The following CAMTA1 variants were observed in gnomAD, a reference collection of about 807,000 sequenced individuals.
CAMTA1 encodes calmodulin binding transcription activator 1.
Under a neutral mutation model 170.9 loss-of-function variants are expected in CAMTA1, and 27 were observed. The ratio of observed to expected loss-of-function variants is 0.16; its 90% CI spans 0.12 to 0.22. The LOEUF (loss-of-function observed/expected upper bound fraction) is 0.22, where lower values mean the gene tolerates loss of function less well. Ranked by LOEUF, CAMTA1 falls within the 10% of genes least tolerant of loss-of-function variation. The pLI is 1.00. For missense variants in CAMTA1, 1,619 were observed against 2,217.2 expected (o/e 0.73, Z 5.42); for synonymous variants, 833 against 891.5 (o/e 0.93, Z 1.17).
At chr1:6,807,054 A>G (rs2148291677) in intron 1 of CAMTA1, 2 of 666,436 alleles carry the variant, frequency 3.0e-6, no homozygotes, top group Non-Finnish European at 5.5e-6. Context: ...TCAAGATGCC[A>G]TATGAAATTT....
At chr1:7,552,935 G>A (rs1367632184) in intron 6 of CAMTA1, among the ~76,000 whole-genome samples, 1 of 152,208 alleles carries the variant, frequency 6.6e-6, no homozygotes, top group Non-Finnish European at 1.5e-5. Flanking sequence ...AGCAGTAGCT[G>A]AGTGGGGATG....
intron 12 of CAMTA1, among the ~76,000 whole-genome samples, chr1:7,735,789 T>G (rs1210209540): frequency 6.6e-6 from 1 of 152,116 alleles, no homozygotes; most frequent in Non-Finnish European, 1.5e-5. Flanking sequence ...TGTTGTTTTT[T>G]GAGACAAGGT....
intron 5 of CAMTA1, among the ~76,000 whole-genome samples, chr1:7,277,330 C>T (rs529632490): frequency 1.3e-5 from 2 of 152,260 alleles, no homozygotes; most frequent in African/African-American, 2.4e-5. Flanking sequence ...TCTAAAGCTA[C>T]AGTAATCAAG....
chr1:7,113,560 T>A lies in CAMTA1; in HGVS notation c.302+22189T>A, dbSNP rs901244205. ...ACAGGCAGACCAGGGCAGTGCCTAT[T>A]TATTCATGGCATTTCACATCATAAG... On this transcript the variant is annotated intron_variant, in intron 4 of 22. Coordinates refer to ENST00000303635, the MANE Select transcript of CAMTA1 (RefSeq NM_015215.4). The surrounding 1 kb of genome is among the most constrained non-coding windows in gnomAD (Gnocchi z 4.5). 6.6e-5 allele frequency among the ~76,000 whole-genome samples: 10 copies of A among 152,330 alleles called. No individual in the cohort carries two copies. Among genetic ancestry groups the A allele is most frequent in the Non-Finnish European group, 1.5e-4 (10 of 68,018 alleles).
chr1:7,302,756 G>A lies in CAMTA1; in HGVS notation c.438+53130G>A, dbSNP rs139378100. Among the ~76,000 whole-genome samples, 11 of 152,294 alleles carry A rather than the reference G, an allele frequency of 7.2e-5. No homozygotes were observed. In the East Asian group the frequency reaches 2.1e-3, roughly 29 times the overall value. On this transcript the variant is annotated intron_variant, in intron 5 of 22. Coordinates refer to ENST00000303635, the MANE Select transcript of CAMTA1 (RefSeq NM_015215.4). Reference sequence around the variant, plus strand: ...GACCCTTTGGGGGAGCCTCTCTCAGGTATTGGGCTTCCCCGCTTGATGCCT... The same window carrying A: ...GACCCTTTGGGGGAGCCTCTCTCAGATATTGGGCTTCCCCGCTTGATGCCT...
chr1:7,091,275 G>C, intron 3 of CAMTA1, 29 bp from the exon 4 acceptor site: 1 of 1,523,322 alleles, frequency 6.6e-7, no homozygotes, highest in Non-Finnish European at 9.1e-7. Context: ...GCTAATTGTT[G>C]TTATTATCTT....
intron 3 of CAMTA1, among the ~76,000 whole-genome samples, chr1:6,868,131 T>TTTTTTTTTTTTGAGACGGAGTCTC (rs1667231410): frequency 6.6e-6 from 1 of 151,984 alleles, no homozygotes; most frequent in Admixed American, 6.6e-5. Flanking sequence ...TTTTAATTGT[T>TTTTTTTTTTTTGAGACGGAGTCTC]GAATATACTT....
intron 3 of CAMTA1, among the ~76,000 whole-genome samples, chr1:6,879,263 C>G (rs758362037): frequency 6.6e-6 from 1 of 152,106 alleles, no homozygotes; most frequent in Non-Finnish European, 1.5e-5. Context: ...CATACCAAAC[C>G]CACAAGACCC....
chr1:7,381,617 G>A (rs538058010), intron 5 of CAMTA1, among the ~76,000 whole-genome samples: 173 of 151,702 alleles, frequency 1.1e-3, no homozygotes, highest in African/African-American at 3.8e-3. Flanking sequence ...ATAAACACAT[G>A]TGTGCATGTG....
intron 3 of CAMTA1, among the ~76,000 whole-genome samples, chr1:6,884,646 C>T (rs551446873): frequency 1.3e-5 from 2 of 152,178 alleles, no homozygotes; most frequent in Non-Finnish European, 2.9e-5. Context: ...AAATTACCCT[C>T]AAAAATCCTA....
intron 6 of CAMTA1, among the ~76,000 whole-genome samples, chr1:7,506,006 G>C (rs11120954): frequency 6.6e-6 from 1 of 151,994 alleles, no homozygotes; most frequent in East Asian, 1.9e-4. Flanking sequence ...GAAGCCAGTG[G>C]AAGGGGAGGC....
At chr1:7,498,912 CGT>C (rs2093900233) in intron 6 of CAMTA1, among the ~76,000 whole-genome samples, 1 of 88,696 alleles carries the variant, frequency 1.1e-5, no homozygotes, top group African/African-American at 5.4e-5. Flanking sequence ...GGTGTGAGTG[CGT>C]ATGTATATGA....
chr1:7,583,641 C>G (rs994348777), intron 6 of CAMTA1, among the ~76,000 whole-genome samples: 2 of 152,168 alleles, frequency 1.3e-5, no homozygotes, highest in African/African-American at 4.8e-5. Context: ...GAGCTTATCC[C>G]TGACACTCTC....
At chr1:7,376,736 C>G (rs1033943744) in intron 5 of CAMTA1, among the ~76,000 whole-genome samples, 2 of 152,308 alleles carry the variant, frequency 1.3e-5, no homozygotes, top group Middle Eastern at 6.8e-3. Context: ...GAACCTGGCT[C>G]TGTCCGACGT....
intron 5 of CAMTA1, among the ~76,000 whole-genome samples, chr1:7,309,860 A>T (rs1347486744): frequency 1.3e-5 from 2 of 151,738 alleles, no homozygotes; most frequent in Non-Finnish European, 2.9e-5. Context: ...CTTATATTTT[A>T]GTTGTTTTAT....
chr1:7,617,074 T>C (rs929326770), intron 6 of CAMTA1, among the ~76,000 whole-genome samples: 2 of 152,222 alleles, frequency 1.3e-5, no homozygotes, highest in South Asian at 2.1e-4. Context: ...AAATAGCCCT[T>C]CCCGCGGGGG....
intron 11 of CAMTA1, among the ~76,000 whole-genome samples, chr1:7,718,061 G>A (rs2096624025): frequency 6.6e-6 from 1 of 152,180 alleles, no homozygotes; most frequent in Non-Finnish European, 1.5e-5. Context: ...TTACGTTCAT[G>A]TATATGAGAC....
At chr1:7,313,800 G>A (rs1457900053) in intron 5 of CAMTA1, among the ~76,000 whole-genome samples, 1 of 152,140 alleles carries the variant, frequency 6.6e-6, no homozygotes, top group African/African-American at 2.4e-5. Flanking sequence ...AGTACGTAGG[G>A]AGACAGACAG....
intron 3 of CAMTA1, among the ~76,000 whole-genome samples, chr1:7,003,016 C>G (rs963292208): frequency 1.3e-5 from 2 of 152,244 alleles, no homozygotes; most frequent in African/African-American, 4.8e-5. Context: ...CTCAGGGTTT[C>G]TGAACCTTGG....
Sources: gnomAD v4.1 joint callset for allele counts (sites outside exome capture counted in the v4.1 genomes callset) on GRCh38, gnomAD v4.1.1 for gene constraint, Gnocchi (gnomAD v3.1) non-coding constraint, MANE v1.5 for transcripts, NCBI Gene and HGNC (gene_info 2026-07-23, HGNC 2026-07-21) for gene names.